The following LRRC4C variants were observed in gnomAD, a reference collection of about 807,000 sequenced individuals.
The protein encoded by LRRC4C is leucine rich repeat containing 4C.
LRRC4C carries 5 observed loss-of-function variants against 33.6 expected under a neutral mutation model. The observed-to-expected ratio is 0.15, with a 90% CI of 0.08 to 0.31. The LOEUF is 0.31. Among genes scored for constraint, LRRC4C ranks in the 10% least tolerant of loss-of-function variants. LRRC4C has a pLI of 1.00. For missense variants in LRRC4C, 560 were observed against 796.7 expected (o/e 0.70, Z 3.58); for synonymous variants, 329 against 302.0 (o/e 1.09, Z -0.93).
intron 2 of LRRC4C, among the ~76,000 whole-genome samples, chr11:40,704,759 A>G (rs900540858): frequency 1.3e-5 from 2 of 152,170 alleles, no homozygotes; most frequent in African/African-American, 4.8e-5. Context: ...ATACATTGTA[A>G]GTGCTCAATA....
At chr11:40,960,181 C>T (rs1850880236) in intron 1 of LRRC4C, among the ~76,000 whole-genome samples, 2 of 151,406 alleles carry the variant, frequency 1.3e-5, no homozygotes, top group South Asian at 4.2e-4. Flanking sequence ...AGCATGCAAG[C>T]TTCTGGATGG....
chr11:40,294,800 C>T (rs1163245736), intron 4 of LRRC4C, among the ~76,000 whole-genome samples: 2 of 151,948 alleles, frequency 1.3e-5, no homozygotes, highest in Non-Finnish European at 2.9e-5. Context: ...GCACTCCAGC[C>T]TGGGAGACAA....
At chr11:40,630,812 T>G (rs1963423738) in intron 3 of LRRC4C, among the ~76,000 whole-genome samples, 1 of 152,124 alleles carries the variant, frequency 6.6e-6, no homozygotes, top group Non-Finnish European at 1.5e-5. Context: ...AATCTTAACG[T>G]GCCCAACAGC....
chr11:41,124,265 C>A (rs1942624990), intron 1 of LRRC4C, among the ~76,000 whole-genome samples: 1 of 152,152 alleles, frequency 6.6e-6, no homozygotes, highest in African/African-American at 2.4e-5. Flanking sequence ...AGGCATCAGG[C>A]ATACTAGAAT....
chr11:40,421,994 T>C (rs1590684163), intron 3 of LRRC4C, among the ~76,000 whole-genome samples: 1 of 152,364 alleles, frequency 6.6e-6, no homozygotes, highest in Non-Finnish European at 1.5e-5. Context: ...ACTGTTTCAG[T>C]GATTGTCCTA....
At chr11:41,028,941 C>A (rs1856553266) in intron 1 of LRRC4C, among the ~76,000 whole-genome samples, 1 of 151,606 alleles carries the variant, frequency 6.6e-6, no homozygotes, top group Admixed American at 6.6e-5. Flanking sequence ...GATAATTTAT[C>A]CAGATATGAG....
At chr11:41,089,902 G>A (rs567460734) in intron 1 of LRRC4C, among the ~76,000 whole-genome samples, 65 of 151,920 alleles carry the variant, frequency 4.3e-4, no homozygotes, top group Non-Finnish European at 6.5e-4. Flanking sequence ...GATAAATATT[G>A]TGCACTTAGA....
At chr11:41,448,299 T>A (rs1176015610) in intron 1 of LRRC4C, among the ~76,000 whole-genome samples, 1 of 142,666 alleles carries the variant, frequency 7.0e-6, no homozygotes, top group Admixed American at 7.6e-5. Context: ...AACATTTACA[T>A]AGAGCTTTTT....
chr11:40,322,664 C>T (rs1945910165), intron 3 of LRRC4C, among the ~76,000 whole-genome samples: 1 of 152,178 alleles, frequency 6.6e-6, no homozygotes, highest in Admixed American at 6.5e-5. Context: ...GCATCACTTC[C>T]TGTTTGTAGA....
intron 2 of LRRC4C, among the ~76,000 whole-genome samples, chr11:40,897,024 AG>A (rs1955979252): frequency 6.6e-6 from 1 of 152,236 alleles, no homozygotes; most frequent in Non-Finnish European, 1.5e-5. Context: ...GGAAATATTT[AG>A]TAATGAAAAT....
At chr11:40,219,449 C>T (rs965710708) in intron 5 of LRRC4C, among the ~76,000 whole-genome samples, 8 of 152,148 alleles carry the variant, frequency 5.3e-5, no homozygotes, top group Non-Finnish European at 1.0e-4. Context: ...ATTTTGTTTG[C>T]TGCTTTATCC....
intron 5 of LRRC4C, among the ~76,000 whole-genome samples, chr11:40,157,344 G>T (rs1388216675): frequency 6.6e-6 from 1 of 152,212 alleles, no homozygotes; most frequent in African/African-American, 2.4e-5. Context: ...CTAGACATTG[G>T]CTTAGGCAAG....
chr11:40,273,483 T>C (rs1307992463), intron 4 of LRRC4C, among the ~76,000 whole-genome samples: 12 of 152,126 alleles, frequency 7.9e-5, no homozygotes. Context: ...TCAGACAACA[T>C]ATATTTCATC....
chr11:40,163,266 A>C (rs1859314307), intron 5 of LRRC4C, among the ~76,000 whole-genome samples: 1 of 152,210 alleles, frequency 6.6e-6, no homozygotes, highest in Admixed American at 6.5e-5. Flanking sequence ...CCCAGAGAGA[A>C]AGATAGTTTC....
chr11:40,501,394 C>G (rs115975386), intron 3 of LRRC4C, among the ~76,000 whole-genome samples: 1 of 152,154 alleles, frequency 6.6e-6, no homozygotes, highest in Non-Finnish European at 1.5e-5. Flanking sequence ...CCCTTCCGCA[C>G]TGCCCTAGCA....
intron 2 of LRRC4C, among the ~76,000 whole-genome samples, chr11:40,928,505 AT>A (rs1474306564): frequency 6.6e-6 from 1 of 151,986 alleles, no homozygotes; most frequent in Non-Finnish European, 1.5e-5. Context: ...GGTAATCTAT[AT>A]TTTTAAAATT....
rs141386438 is a variant in LRRC4C, at chr11:40,255,492, C to A, written c.-175-13894G>T. Among the ~76,000 whole-genome samples, 23 of 152,300 alleles carry A rather than the reference C, an allele frequency of 1.5e-4. No individual in the cohort carries two copies. The East Asian group carries it at 4.2e-3, about 28-fold the overall frequency. On this transcript the variant is annotated intron_variant, in intron 4 of 6. Transcript: ENST00000528697. ...TCAGGATACATAAAGTCTACCCAAACTTTATTTATAATTTCTGAGAGAGCT... is the reference window on the plus strand; with the variant it reads ...TCAGGATACATAAAGTCTACCCAAAATTTATTTATAATTTCTGAGAGAGCT...
chr11:41,332,767 A>C, intron 1 of LRRC4C, among the ~76,000 whole-genome samples: 1 of 152,194 alleles, frequency 6.6e-6, no homozygotes, highest in East Asian at 1.9e-4. Flanking sequence ...TCTATTAGCA[A>C]CTTGGGGTTT....
chr11:40,886,479 C>A (rs900454283), intron 2 of LRRC4C, among the ~76,000 whole-genome samples: 37 of 150,758 alleles, frequency 2.5e-4, no homozygotes, highest in African/African-American at 8.7e-4. Flanking sequence ...TTTAATAACC[C>A]AATAGAAACC....
Sources: allele counts gnomAD v4.1 joint callset (sites outside exome capture counted in the v4.1 genomes callset), GRCh38; gene constraint gnomAD v4.1.1; transcripts MANE v1.5; gene names NCBI Gene and HGNC (gene_info 2026-07-23, HGNC 2026-07-21).